The following FBN3 variants were observed in gnomAD, a reference collection of about 807,000 sequenced individuals.
FBN3 encodes fibrillin 3, also known as fibrillin-3.
In FBN3, 234 loss-of-function variants were observed where a neutral mutation model predicts 330.1. The observed-to-expected ratio is 0.71, with a 90% confidence interval of 0.64 to 0.79. The LOEUF (loss-of-function observed/expected upper bound fraction) is 0.79. Ranked by LOEUF, FBN3 falls within the 30% of genes least tolerant of loss-of-function variation. The pLI is 0.00. For missense variants in FBN3, 3,606 were observed against 3,886.9 expected (o/e 0.93, Z 1.92); for synonymous variants, 1,458 against 1,517.3 (o/e 0.96, Z 0.91).
At chr19:8,127,219 G>C (rs1156371640) in intron 18 of FBN3, among the ~76,000 whole-genome samples, 5 of 151,802 alleles carry the variant, frequency 3.3e-5, no homozygotes, top group Non-Finnish European at 7.4e-5. Flanking sequence ...CACCATGCCT[G>C]GCTAACTTTT....
rs369514649 is a variant in FBN3, at chr19:8,070,306, T to C, written c.8088+1742A>G. 1.3e-4 allele frequency among the ~76,000 whole-genome samples: 20 copies of C among 152,348 alleles called. No homozygotes were observed. The East Asian group carries it at 3.3e-3, about 25-fold the overall frequency. On this transcript the variant is annotated intron_variant, in intron 63 of 63. Coordinates refer to ENST00000600128, the MANE Select transcript of FBN3 (RefSeq NM_032447.5). Reference sequence around the variant, plus strand: ...CATGTATCATATTTGTCATGTGTTATAAAAGATGATATGTTTTACATGTTG... The same window carrying C: ...CATGTATCATATTTGTCATGTGTTACAAAAGATGATATGTTTTACATGTTG...
Position 8,089,975 on chromosome 19 carries a change from GA to G in FBN3, c.6185-17del. 1 of 1,608,602 alleles carries G rather than the reference GA, an allele frequency of 6.2e-7. No homozygotes were observed. Reference sequence around the variant, plus strand: ...TGAAAGGCAGCTGGACGGAGAGGGGGAGGGGAGTCAGAGTCAGGGCCTAGGT... The same window carrying G: ...TGAAAGGCAGCTGGACGGAGAGGGGGGGGGAGTCAGAGTCAGGGCCTAGGT... On this transcript the variant is annotated splice_polypyrimidine_tract_variant and intron_variant, in intron 49 of 63. Transcript: ENST00000600128.
intron 13 of FBN3, among the ~76,000 whole-genome samples, chr19:8,134,499 G>A (rs2083231557): frequency 6.6e-6 from 1 of 151,968 alleles, no homozygotes; most frequent in African/African-American, 2.4e-5. Context: ...CATTGCTTGA[G>A]CCCCCCAGGG....
chr19:8,090,318 T>G, intron 48 of FBN3, 67 bp from the exon 49 acceptor site: 1 of 1,573,536 alleles, frequency 6.4e-7, no homozygotes, highest in Non-Finnish European at 8.7e-7. Context: ...CCCTGTGACC[T>G]CCCGCACCCC....
At chr19:8,071,243 C>T (rs1250096234) in intron 63 of FBN3, among the ~76,000 whole-genome samples, 1 of 152,182 alleles carries the variant, frequency 6.6e-6, no homozygotes, top group South Asian at 2.1e-4. Flanking sequence ...AAAATGCCCT[C>T]TCTGCACACC....
chr19:8,081,149 G>A (rs760665841), intron 58 of FBN3, 30 bp from the exon 59 acceptor site: 2 of 1,592,996 alleles, frequency 1.3e-6, no homozygotes, highest in Admixed American at 3.3e-5. Flanking sequence ...GCAGGCTCAG[G>A]GCAGGGCCCA....
At chr19:8,136,340 G>T (rs373336733) in intron 11 of FBN3, 31 bp from the exon 12 acceptor site, 1 of 1,605,368 alleles carries the variant, frequency 6.2e-7, no homozygotes, top group South Asian at 1.1e-5. Context: ...GCCCTAGCAC[G>T]AGCAGGGCAG....
Position 8,138,213 on chromosome 19 carries a change from G to A in FBN3, c.1129C>T (p.Pro377Ser). 1 of 1,612,468 alleles carries A rather than the reference G, an allele frequency of 6.2e-7. No individual in the cohort carries two copies. Among genetic ancestry groups the A allele is most frequent in the Non-Finnish European group, 8.5e-7 (1 of 1,179,588 alleles). Residue 377 changes from proline (P) to serine (S), a missense_variant, in exon 10 of 64, where the codon CCA becomes TCA. Coordinates refer to ENST00000600128, the MANE Select transcript of FBN3 (RefSeq NM_032447.5). Reference protein sequence around the residue: ...GSNGMGPPLGPARLNPHGSDA... With the variant: ...GSNGMGPPLGSARLNPHGSDA... ...GAGCCATGGGGGTTGAGTCGCGCTGGCCCAAGAGGGGGACCCATGCCATTG... is the reference window on the plus strand; with the variant it reads ...GAGCCATGGGGGTTGAGTCGCGCTGACCCAAGAGGGGGACCCATGCCATTG...
intron 63 of FBN3, among the ~76,000 whole-genome samples, chr19:8,069,550 C>T (rs745371211): frequency 1.1e-4 from 17 of 152,162 alleles, no homozygotes; most frequent in Admixed American, 9.2e-4. Flanking sequence ...CTCTTACTGA[C>T]CCCTGCTGGC....
At chr19:8,072,719 T>C (rs1599259390) in intron 62 of FBN3, among the ~76,000 whole-genome samples, 1 of 88,558 alleles carries the variant, frequency 1.1e-5, no homozygotes, top group Admixed American at 1.1e-4. Flanking sequence ...CATGCGCGCG[T>C]GCACACACAC....
rs1211341951 is a variant in FBN3 at position 8,134,242 on chromosome 19, A to AAAAT, written c.1592-1140_1592-1137dup. On this transcript the variant is annotated intron_variant, in intron 13 of 63. Transcript: ENST00000600128. ...GGGTGACAGAGTGAGACTCCATCTC[A>AAAAT]AAATAAATAAATAAATAAAATAAAT... Among the ~76,000 whole-genome samples the AAAAT allele has an allele frequency of 2.5e-4, 7 of 27,556 alleles. No individual in the cohort carries two copies. In the South Asian group the frequency reaches 0.013, roughly 51 times the overall value. 18.1% of individuals were successfully genotyped at this position (27,556 alleles called of 152,430 possible). A position where few individuals can be genotyped will look rare whatever the true frequency, so the allele number is the denominator to read the frequency against.
Position 8,129,435 on chromosome 19 carries a change from CGCGG to C in FBN3, c.2045-74_2045-71del. ...TGTCCGAGGCAGGAGGAGGGTGTGTCGCGGCGCACCAGGGGTCTCTAGAAGTCAG... is the reference window on the plus strand; with the variant it reads ...TGTCCGAGGCAGGAGGAGGGTGTGTCCGCACCAGGGGTCTCTAGAAGTCAG... On this transcript the variant is annotated intron_variant, in intron 16 of 63. Transcript: ENST00000600128. This position sits in a 1 kb window ranked among gnomAD's most constrained non-coding sequence, Gnocchi z 4.5. The C allele has an allele frequency of 6.3e-7, 1 of 1,583,236 alleles. No individual in the cohort carries two copies. Among genetic ancestry groups the C allele is most frequent in the Non-Finnish European group, 8.6e-7 (1 of 1,162,356 alleles).
chr19:8,137,292 A>G (rs2083310317), intron 10 of FBN3, among the ~76,000 whole-genome samples: 1 of 147,416 alleles, frequency 6.8e-6, no homozygotes, highest in Non-Finnish European at 1.5e-5. Flanking sequence ...GATCCCTCCA[A>G]CCTGGGCCCT....
Position 8,108,185 on chromosome 19 carries a change from TGATGC to T in FBN3, c.4667_4671del (p.Arg1556HisfsTer21), listed in dbSNP as rs1255549895. On this transcript the variant is annotated frameshift_variant, in exon 37 of 64. Transcript: ENST00000600128. LOFTEE classifies it high-confidence loss of function. ...AGGAACTCACCTTCCAGAATGACAG[TGATGC>T]GGTTAGGCTGGAAGCCCTCACCACC... 4 of 1,612,330 alleles carry T rather than the reference TGATGC, an allele frequency of 2.5e-6. No individual in the cohort carries two copies. Among genetic ancestry groups the T allele is most frequent in the Non-Finnish European group, 3.4e-6 (4 of 1,179,508 alleles).
intron 47 of FBN3, among the ~76,000 whole-genome samples, chr19:8,093,074 T>TAGAAAAAAA (rs2082132015): frequency 1.3e-5 from 1 of 76,026 alleles, no homozygotes; most frequent in Non-Finnish European, 3.5e-5. Flanking sequence ...TAAGAAAAAA[T>TAGAAAAAAA]AGAAAAAAAA....
chr19:8,126,463 A>G lies in FBN3; in HGVS notation c.2554+5T>C. The G allele has an allele frequency of 1.2e-6, 2 of 1,610,880 alleles. No individual in the cohort carries two copies. Among genetic ancestry groups the G allele is most frequent in the Non-Finnish European group, 1.7e-6 (2 of 1,178,606 alleles). On this transcript the variant is annotated splice_donor_5th_base_variant and intron_variant, in intron 20 of 63. Coordinates refer to ENST00000600128, the MANE Select transcript of FBN3 (RefSeq NM_032447.5). ...GTGCCTGGGAGGCCTCAAGGAGGATACTACCGATCTCGCAGCGTTCGCAGG... is the reference window on the plus strand; with the variant it reads ...GTGCCTGGGAGGCCTCAAGGAGGATGCTACCGATCTCGCAGCGTTCGCAGG...
rs747253641 is a variant in FBN3 at position 8,103,679 on chromosome 19, C to A, written c.4822G>T (p.Glu1608Ter). 6.2e-7 allele frequency: 1 copy of A among 1,612,806 alleles called. No homozygotes were observed. Among genetic ancestry groups the A allele is most frequent in the Non-Finnish European group, 8.5e-7 (1 of 1,179,292 alleles). ...CAGATGCCGGAGTGTGTGGAGCATT[C>A]GTCAATATCTGCAGGGAAAGAAGGG... is the stretch of plus-strand genomic sequence containing the variant. The part of the protein sequence containing the change: ...EHTRICEDID[E>*]CSTHSGICGP... Residue 1608 changes from glutamate to a stop codon, truncating the protein, a stop_gained, in exon 39 of 64, where the codon GAA (glutamate) becomes TAA (stop). Transcript: ENST00000600128. LOFTEE classifies it high-confidence loss of function.
chr19:8,091,620 G>C (rs750791729), intron 47 of FBN3, 30 bp from the exon 48 acceptor site: 2 of 1,611,396 alleles, frequency 1.2e-6, no homozygotes, highest in Non-Finnish European at 1.7e-6. Flanking sequence ...AGCTGGGTGG[G>C]GGGCAAGTAG....
intron 59 of FBN3, among the ~76,000 whole-genome samples, chr19:8,079,590 TTG>T (rs1467875316): frequency 1.3e-4 from 3 of 22,264 alleles, no homozygotes; most frequent in African/African-American, 7.4e-4. Context: ...ATTCTGTTAA[TTG>T]TTTGTTTGTT....
Sources: allele counts gnomAD v4.1 joint callset (sites outside exome capture counted in the v4.1 genomes callset), GRCh38; gene constraint gnomAD v4.1.1; non-coding constraint Gnocchi (gnomAD v3.1); transcripts MANE v1.5; gene names NCBI Gene and HGNC (gene_info 2026-07-23, HGNC 2026-07-21).